Variants in CRY1 observed in about 807,000 individuals in gnomAD.
CRY1 encodes the protein cryptochrome circadian regulator 1.
In CRY1, 45 loss-of-function variants were observed where a neutral mutation model predicts 76.0. The observed-to-expected ratio is 0.59, with a 90% CI of 0.47 to 0.76. The LOEUF is 0.76. Ranked by LOEUF, CRY1 falls within the 30% of genes least tolerant of loss-of-function variation. CRY1 has a pLI of 0.00. For missense variants in CRY1, 587 were observed against 716.4 expected, an observed-to-expected ratio of 0.82 and a Z score of 2.06; for synonymous variants, 248 against 244.0, an observed-to-expected ratio of 1.02 and a Z score of -0.15.
intron 1 of CRY1, among the ~76,000 whole-genome samples, chr12:107,057,214 T>G (rs1952994572): frequency 1.3e-5 from 2 of 152,052 alleles, no homozygotes; most frequent in South Asian, 4.1e-4. Flanking sequence ...AGTCATACTT[T>G]TGTTAACAAG....
intron 1 of CRY1, among the ~76,000 whole-genome samples, chr12:107,060,755 G>T (rs1013907396): frequency 2.6e-5 from 4 of 152,184 alleles, no homozygotes; most frequent in Non-Finnish European, 5.9e-5. Flanking sequence ...GAGGTGGGCG[G>T]ATCACGAGGT....
intron 1 of CRY1, among the ~76,000 whole-genome samples, chr12:107,073,632 G>C (rs1953217630): frequency 6.6e-6 from 1 of 152,088 alleles, no homozygotes; most frequent in Non-Finnish European, 1.5e-5. Flanking sequence ...GGGAGGCTGA[G>C]GCAGAAGAAT....
chr12:107,052,786 T>G (rs898649884), intron 1 of CRY1, among the ~76,000 whole-genome samples: 3 of 152,206 alleles, frequency 2.0e-5, no homozygotes, highest in African/African-American at 7.2e-5. Context: ...AAAACCAGTA[T>G]GGCCACAGCA....
intron 1 of CRY1, among the ~76,000 whole-genome samples, chr12:107,053,898 A>C (rs1272223475): frequency 1.3e-5 from 2 of 152,190 alleles, no homozygotes; most frequent in Non-Finnish European, 2.9e-5. Context: ...CTATAACTAC[A>C]TCCCCAACAG....
rs757224784 is a variant in CRY1 at position 106,992,908 on chromosome 12, G to GT, written c.1658-19dup. ...GCTTCTTCCTGCACATTTAAAAAAT[G>GT]TATGTTTAAGATAGGAAAAGGAAAA... On this transcript the variant is annotated intron_variant, in intron 11 of 12. Coordinates refer to ENST00000008527, the MANE Select transcript of CRY1 (RefSeq NM_004075.5). 3.7e-6 allele frequency: 6 copies of GT among 1,613,804 alleles called. No individual in the cohort carries two copies. The South Asian group carries it at 5.5e-5, about 15-fold the overall frequency.
At chr12:107,055,147 A>C (rs1024531383) in intron 1 of CRY1, among the ~76,000 whole-genome samples, 1 of 152,158 alleles carries the variant, frequency 6.6e-6, no homozygotes, top group Non-Finnish European at 1.5e-5. Context: ...CATTTAAAAA[A>C]AAGTCTATAT....
At chr12:107,078,609 A>T (rs554896088) in intron 1 of CRY1, among the ~76,000 whole-genome samples, 3 of 152,294 alleles carry the variant, frequency 2.0e-5, no homozygotes, top group Non-Finnish European at 4.4e-5. Context: ...CTTATACAGG[A>T]ATTATTCCCA....
Position 106,999,639 on chromosome 12 carries a change from T to G in CRY1, c.1049A>C (p.Glu350Ala). ...CCTGGCTAGATGATGAATCCAACCC[T>G]CCTGACGAAGCTGTGTCATGATGGC... The part of the protein sequence containing the change: ...IDAIMTQLRQ[E>A]GWIHHLARHA... The change falls in exon 7 of 13, where the codon GAG becomes GCG. Residue 350 changes from glutamate (E) to alanine (A), a missense_variant. Coordinates refer to ENST00000008527, the MANE Select transcript of CRY1 (RefSeq NM_004075.5). The G allele has an allele frequency of 6.2e-7, 1 of 1,614,240 alleles. No individual in the cohort carries two copies. The highest frequency in any genetic ancestry group is 8.5e-7 in the Non-Finnish European group (1 of 1,180,048).
chr12:107,000,421 G>A (rs577365048), intron 5 of CRY1, among the ~76,000 whole-genome samples: 96 of 151,470 alleles, frequency 6.3e-4, no homozygotes, highest in Non-Finnish European at 9.3e-4. Flanking sequence ...GCTCAATCTC[G>A]GCTCACTGCA....
At chr12:107,030,414 G>A (rs951714668) in intron 1 of CRY1, among the ~76,000 whole-genome samples, 1 of 152,140 alleles carries the variant, frequency 6.6e-6, no homozygotes, top group Non-Finnish European at 1.5e-5. Flanking sequence ...ACTACATAAT[G>A]TGACTTTTCT....
intron 1 of CRY1, chr12:107,043,076 T>A (rs1017357905): frequency 2.0e-5 from 3 of 152,240 alleles, no homozygotes; most frequent in Non-Finnish European, 4.4e-5. Flanking sequence ...TGTCTTGCTC[T>A]GGCGGTGAGT....
intron 1 of CRY1, among the ~76,000 whole-genome samples, chr12:107,043,460 A>G (rs985671479): frequency 9.2e-5 from 14 of 152,156 alleles, no homozygotes; most frequent in Admixed American, 3.3e-4. Context: ...ACCAAGCTTG[A>G]GCTGAAGCAG....
intron 1 of CRY1, among the ~76,000 whole-genome samples, chr12:107,033,000 G>A (rs1952695772): frequency 6.6e-6 from 1 of 151,912 alleles, no homozygotes; most frequent in African/African-American, 2.4e-5. Context: ...TAATATAAAT[G>A]TCCGACAAGA....
At chr12:107,087,643 C>G (rs1164227419) in intron 1 of CRY1, among the ~76,000 whole-genome samples, 1 of 152,140 alleles carries the variant, frequency 6.6e-6, no homozygotes, top group Non-Finnish European at 1.5e-5. Flanking sequence ...CTTACAGGTT[C>G]ATAGCTATAA....
chr12:107,050,873 C>T (rs556293094), intron 1 of CRY1, among the ~76,000 whole-genome samples: 5 of 151,798 alleles, frequency 3.3e-5, no homozygotes, highest in African/African-American at 7.3e-5. Context: ...GAGGGGGCAG[C>T]ATGAAAGAAA....
chr12:107,050,403 T>C (rs1952904857), intron 1 of CRY1: 1 of 152,338 alleles, frequency 6.6e-6, no homozygotes, highest in African/African-American at 2.4e-5. Context: ...CTGGGGCAGA[T>C]ACCTCATCAA....
intron 1 of CRY1, among the ~76,000 whole-genome samples, chr12:107,081,605 T>C (rs1252678517): frequency 6.6e-6 from 1 of 152,090 alleles, no homozygotes; most frequent in Non-Finnish European, 1.5e-5. Context: ...TAATACTGCC[T>C]ATAATGGATA....
chr12:106,997,443 G>A (rs756247258), intron 9 of CRY1, 45 bp downstream of exon 9: 1 of 1,612,582 alleles, frequency 6.2e-7, no homozygotes. Flanking sequence ...TCAAAGATAA[G>A]TACATAAACA....
chr12:107,067,366 C>G (rs1953125473), intron 1 of CRY1, among the ~76,000 whole-genome samples: 1 of 152,164 alleles, frequency 6.6e-6, no homozygotes, highest in Admixed American at 6.5e-5. Flanking sequence ...TCATAATTCA[C>G]TGATACACAA....
Sources: allele counts gnomAD v4.1 joint callset (sites outside exome capture counted in the v4.1 genomes callset), GRCh38; gene constraint gnomAD v4.1.1; transcripts MANE v1.5; gene names NCBI Gene and HGNC (gene_info 2026-07-23, HGNC 2026-07-21).